ATP9B: variants seen among roughly 807,000 people sequenced by gnomAD.
The protein encoded by ATP9B is ATPase phospholipid transporting 9B, also known as probable phospholipid-transporting ATPase IIB.
ATP9B carries 110 observed loss-of-function variants against 146.1 expected under a neutral mutation model. That is an observed-to-expected ratio of 0.75 (90% CI 0.65 to 0.88). ATP9B has a LOEUF of 0.88. Ranked by LOEUF, ATP9B falls within the 40% of genes least tolerant of loss-of-function variation. ATP9B has a pLI of 0.00. For synonymous variants in ATP9B, 604 were observed against 569.7 expected, an observed-to-expected ratio of 1.06 and a Z score of -0.86; for missense variants, 1,499 against 1,496.4, an observed-to-expected ratio of 1.00 and a Z score of -0.03.
At chr18:79,138,913 C>A (rs2094479915) in intron 5 of ATP9B, among the ~76,000 whole-genome samples, 1 of 151,998 alleles carries the variant, frequency 6.6e-6, no homozygotes, top group East Asian at 1.9e-4. Flanking sequence ...ACAAAAAATA[C>A]AAAAATTAGC....
At chr18:79,180,931 A>G (rs752757653) in intron 8 of ATP9B, among the ~76,000 whole-genome samples, 6 of 151,134 alleles carry the variant, frequency 4.0e-5, no homozygotes, top group Non-Finnish European at 5.9e-5. Context: ...AGCTGGGATT[A>G]CAGGCATGTG....
At chr18:79,293,038 T>C (rs773579234) in intron 13 of ATP9B, among the ~76,000 whole-genome samples, 17 of 151,794 alleles carry the variant, frequency 1.1e-4, no homozygotes, top group Non-Finnish European at 2.4e-4. Flanking sequence ...AGGCCATAAA[T>C]AAATCCAAAC....
At chr18:79,113,533 G>T (rs1364576966) in intron 4 of ATP9B, among the ~76,000 whole-genome samples, 179 bp downstream of exon 4, 2 of 152,238 alleles carry the variant, frequency 1.3e-5, no homozygotes, top group East Asian at 3.8e-4. Flanking sequence ...ACCATGGGAA[G>T]TATGGTGGCA....
intron 7 of ATP9B, among the ~76,000 whole-genome samples, chr18:79,168,782 A>G (rs2095024775): frequency 6.6e-6 from 1 of 151,806 alleles, no homozygotes; most frequent in Admixed American, 6.6e-5. Context: ...AAATTCCATT[A>G]CTCCTTCCTT....
chr18:79,262,248 G>A (rs1196232318), intron 12 of ATP9B, among the ~76,000 whole-genome samples: 1 of 151,176 alleles, frequency 6.6e-6, no homozygotes, highest in East Asian at 1.9e-4. Context: ...AAACATTCAA[G>A]TTTGTTTAGA....
intron 1 of ATP9B, among the ~76,000 whole-genome samples, chr18:79,069,869 G>A (rs7504440): frequency 1 from 151,751 of 152,370 alleles, 75,575 homozygotes; most frequent in Middle Eastern, 1. Flanking sequence ...GGATACTTCA[G>A]AGTCTCCGAA....
At chr18:79,374,315 C>CCCGTCGGTCACTGGCTGG (rs2097090657) in intron 28 of ATP9B, 1 of 525,036 alleles carries the variant, frequency 1.9e-6, no homozygotes, top group Non-Finnish European at 3.4e-6. Flanking sequence ...GGCGCTGAGC[C>CCCGTCGGTCACTGGCTGG]CCGTCGGTCA....
intron 5 of ATP9B, among the ~76,000 whole-genome samples, chr18:79,129,439 T>C (rs2094340998): frequency 6.6e-6 from 1 of 152,174 alleles, no homozygotes; most frequent in East Asian, 1.9e-4. Flanking sequence ...TCAGTGAGGC[T>C]GCCGCACAGA....
chr18:79,245,209 G>C (rs2095931897), intron 11 of ATP9B, among the ~76,000 whole-genome samples: 1 of 152,158 alleles, frequency 6.6e-6, no homozygotes, highest in African/African-American at 2.4e-5. Context: ...TTAGAGAATA[G>C]GTTCATGCTC....
intron 6 of ATP9B, among the ~76,000 whole-genome samples, chr18:79,147,711 G>A (rs2094614298): frequency 6.6e-6 from 1 of 151,832 alleles, no homozygotes; most frequent in Non-Finnish European, 1.5e-5. Context: ...AACTCCTGTG[G>A]GGAAACAAGC....
At chr18:79,197,618 T>A (rs1044522789) in intron 9 of ATP9B, among the ~76,000 whole-genome samples, 1 of 152,084 alleles carries the variant, frequency 6.6e-6, no homozygotes. Flanking sequence ...ATATAATAAT[T>A]CTCAGAGCAA....
chr18:79,129,875 C>T (rs1053577759), intron 5 of ATP9B, among the ~76,000 whole-genome samples: 2 of 152,098 alleles, frequency 1.3e-5, no homozygotes, highest in African/African-American at 4.8e-5. Context: ...TCCTGAGTAG[C>T]TGGAATTACA....
At chr18:79,317,754 G>A (rs531518386) in intron 15 of ATP9B, among the ~76,000 whole-genome samples, 1 of 152,314 alleles carries the variant, frequency 6.6e-6, no homozygotes, top group East Asian at 1.9e-4. Context: ...AAAAGAGCAT[G>A]TACCTCTCCG....
intron 7 of ATP9B, among the ~76,000 whole-genome samples, chr18:79,155,318 T>C (rs989688086): frequency 6.6e-6 from 1 of 152,226 alleles, no homozygotes; most frequent in African/African-American, 2.4e-5. Context: ...AAAATGCTGT[T>C]TATATGACCT....
At chr18:79,367,265 CAG>C (rs1246879561) in intron 26 of ATP9B, among the ~76,000 whole-genome samples, 2 of 138,396 alleles carry the variant, frequency 1.4e-5, no homozygotes, top group Non-Finnish European at 3.1e-5. Context: ...CGTGTGTACG[CAG>C]AGAAAGTGCC....
intron 7 of ATP9B, among the ~76,000 whole-genome samples, chr18:79,171,718 C>T (rs1276015860): frequency 2.0e-5 from 3 of 152,190 alleles, no homozygotes; most frequent in African/African-American, 4.8e-5. Flanking sequence ...GTTGCACCAC[C>T]GTGAGGATCT....
chr18:79,345,814 A>G lies in ATP9B; in HGVS notation c.2657A>G (p.Asp886Gly). ...GATGTCAGCATGATTCAGGCAGCAG[A>G]CTGTGGGATTGGGATTGAGGGAAAG... ...GNDVSMIQAA[D>G]CGIGIEGKEG... The change falls in exon 23 of 30, where the codon GAC becomes GGC. Residue 886 changes from aspartate to glycine, a missense_variant. Asp to Gly is a moderately conservative substitution (Grantham distance 94). Transcript: ENST00000426216. The G allele has an allele frequency of 2.5e-6, 4 of 1,614,240 alleles. No homozygotes were observed. The highest frequency in any genetic ancestry group is 3.4e-6 in the Non-Finnish European group (4 of 1,180,042).
intron 5 of ATP9B, among the ~76,000 whole-genome samples, chr18:79,134,107 C>G (rs980811207): frequency 1.3e-5 from 2 of 152,210 alleles, no homozygotes; most frequent in African/African-American, 2.4e-5. Flanking sequence ...GCCACCTGCT[C>G]CAGCTCCTTC....
At chr18:79,085,905 T>G (rs1441864637) in intron 1 of ATP9B, 1 of 152,232 alleles carries the variant, frequency 6.6e-6, no homozygotes, top group Non-Finnish European at 1.5e-5. Context: ...ACTAGATTTC[T>G]CATTCTGAGT....
Sources: gnomAD v4.1 joint callset for allele counts (sites outside exome capture counted in the v4.1 genomes callset) on GRCh38, gnomAD v4.1.1 for gene constraint, MANE v1.5 for transcripts, NCBI Gene and HGNC (gene_info 2026-07-23, HGNC 2026-07-21) for gene names.